The following SENP7 variants were observed in gnomAD, a reference collection of about 807,000 sequenced individuals.
SENP7 encodes the protein sentrin-specific protease 7.
SENP7 carries 64 observed loss-of-function variants against 141.2 expected under a neutral mutation model. The ratio of observed to expected loss-of-function variants is 0.45; its 90% CI spans 0.37 to 0.56. The LOEUF (loss-of-function observed/expected upper bound fraction) is 0.56. Ranked by LOEUF, SENP7 falls within the 20% of genes least tolerant of loss-of-function variation. SENP7 has a pLI of 0.00. For missense variants in SENP7, 1,025 were observed against 1,212.2 expected, an observed-to-expected ratio of 0.85 and a Z score of 2.29; for synonymous variants, 382 against 426.4, an observed-to-expected ratio of 0.90 and a Z score of 1.28.
At chr3:101,481,608 T>C (rs974612262) in intron 3 of SENP7, among the ~76,000 whole-genome samples, 1 of 152,196 alleles carries the variant, frequency 6.6e-6, no homozygotes, top group African/African-American at 2.4e-5. Context: ...TTAACATCAA[T>C]GTATTGTATA....
At chr3:101,504,900 T>C (rs1464826388) in intron 1 of SENP7, among the ~76,000 whole-genome samples, 1 of 152,012 alleles carries the variant, frequency 6.6e-6, no homozygotes, top group East Asian at 1.9e-4. Flanking sequence ...CCACCTGTGG[T>C]CTCAGCTGCT....
At chr3:101,413,597 G>A (rs1307807647) in intron 5 of SENP7, among the ~76,000 whole-genome samples, 1 of 152,022 alleles carries the variant, frequency 6.6e-6, no homozygotes, top group Non-Finnish European at 1.5e-5. Flanking sequence ...TTGCTACAGG[G>A]AGGAAGAGAA....
intron 5 of SENP7, among the ~76,000 whole-genome samples, chr3:101,402,537 G>A (rs1160016776): frequency 6.1e-5 from 6 of 97,690 alleles, no homozygotes; most frequent in African/African-American, 2.1e-4. Flanking sequence ...CAGGAGAATC[G>A]CTTGAACCTG....
intron 4 of SENP7, among the ~76,000 whole-genome samples, chr3:101,419,534 G>A (rs2061725070): frequency 6.6e-6 from 1 of 152,328 alleles, no homozygotes; most frequent in Admixed American, 6.5e-5. Context: ...AGTGGGATCA[G>A]CAAAGGGAAA....
chr3:101,337,912 T>G (rs995574782), intron 16 of SENP7, among the ~76,000 whole-genome samples: 6 of 152,206 alleles, frequency 3.9e-5, no homozygotes, highest in Non-Finnish European at 8.8e-5. Context: ...CCAAGCACTT[T>G]GGGAGGCCGA....
chr3:101,401,842 A>G (rs1476090848), intron 5 of SENP7, among the ~76,000 whole-genome samples: 3 of 151,704 alleles, frequency 2.0e-5, no homozygotes, highest in African/African-American at 7.3e-5. Flanking sequence ...ATATTAGCTT[A>G]GTATGGTGGC....
chr3:101,381,338 C>T (rs4683895), intron 6 of SENP7, among the ~76,000 whole-genome samples: 1 of 151,960 alleles, frequency 6.6e-6, no homozygotes, highest in African/African-American at 2.4e-5. Context: ...ATATTAACTG[C>T]TCTCCTATCT....
intron 22 of SENP7, 47 bp from the exon 23 acceptor site, chr3:101,327,863 T>C (rs1420957002): frequency 1.4e-6 from 2 of 1,441,756 alleles, no homozygotes; most frequent in South Asian, 2.5e-5. Context: ...AATCTATTTA[T>C]CAGTATGCAA....
intron 6 of SENP7, among the ~76,000 whole-genome samples, chr3:101,381,773 G>C (rs904070315): frequency 6.6e-6 from 1 of 152,144 alleles, no homozygotes; most frequent in Admixed American, 6.6e-5. Flanking sequence ...ATTTGTATCA[G>C]TGTTTTTCAA....
intron 4 of SENP7, among the ~76,000 whole-genome samples, chr3:101,419,920 A>AG (rs1031167191): frequency 6.6e-6 from 1 of 152,230 alleles, no homozygotes; most frequent in African/African-American, 2.4e-5. Context: ...GAGGAGACCA[A>AG]GATAGGCTGA....
At chr3:101,454,504 C>T (rs2063280490) in intron 4 of SENP7, among the ~76,000 whole-genome samples, 1 of 151,818 alleles carries the variant, frequency 6.6e-6, no homozygotes, top group Admixed American at 6.6e-5. Flanking sequence ...AAGTGAGACT[C>T]CATCTCAAAA....
chr3:101,351,008 G>C (rs9877228), intron 12 of SENP7, among the ~76,000 whole-genome samples: 60,449 of 151,728 alleles, frequency 0.4, 12,567 homozygotes, highest in Admixed American at 0.54. Context: ...CTCCAATCTT[G>C]GAACAGAAGC....
chr3:101,418,674 G>A (rs1435573810), intron 4 of SENP7, among the ~76,000 whole-genome samples: 11 of 133,168 alleles, frequency 8.3e-5, no homozygotes, highest in Non-Finnish European at 1.6e-4. Flanking sequence ...AAGATAAAAC[G>A]GGAACTCTCA....
chr3:101,434,701 T>G (rs1373872421), intron 4 of SENP7, among the ~76,000 whole-genome samples: 1 of 151,888 alleles, frequency 6.6e-6, no homozygotes, highest in Non-Finnish European at 1.5e-5. Flanking sequence ...ATACATACAA[T>G]CTAACAAGAT....
chr3:101,452,934 C>T (rs2063201430), intron 4 of SENP7, among the ~76,000 whole-genome samples: 1 of 152,100 alleles, frequency 6.6e-6, no homozygotes, highest in East Asian at 1.9e-4. Flanking sequence ...AGGCAACCTA[C>T]AGAATGGGAG....
Position 101,357,528 on chromosome 3 carries a change from C to A in SENP7, c.1623+4187G>T, listed in dbSNP as rs545175151. 9 of 1,419,324 alleles carry A rather than the reference C, an allele frequency of 6.3e-6. No homozygotes were observed. The African/African-American group carries it at 1.0e-4, about 16-fold the overall frequency. 87.9% of individuals were successfully genotyped at this position (1,419,324 alleles called of 1,614,324 possible). A position where few individuals can be genotyped will look rare whatever the true frequency, so the allele number is the denominator to read the frequency against. On this transcript the variant is annotated intron_variant, in intron 11 of 23. Transcript: ENST00000394095. ...TGGCCAGAGCAGAGCATAAAAGATT[C>A]TTTCCAAAAAGTGATACTGAGAAGA...
intron 4 of SENP7, among the ~76,000 whole-genome samples, chr3:101,425,650 G>A (rs888440156): frequency 1.3e-5 from 2 of 152,168 alleles, no homozygotes; most frequent in East Asian, 3.8e-4. Context: ...CAAGGGTTCT[G>A]AACTAGGCTG....
intron 2 of SENP7, 152 bp downstream of exon 2, chr3:101,500,918 C>A (rs1182713173): frequency 1.8e-6 from 1 of 547,746 alleles, no homozygotes; most frequent in Non-Finnish European, 3.2e-6. Context: ...TCCTGGTTAA[C>A]CTTCAGTTAA....
chr3:101,432,329 C>G (rs2062212594), intron 4 of SENP7, among the ~76,000 whole-genome samples: 1 of 149,904 alleles, frequency 6.7e-6, no homozygotes, highest in African/African-American at 2.5e-5. Context: ...GACTCCCGGA[C>G]AGCACTTCTG....
Sources: gnomAD v4.1 joint callset for allele counts (sites outside exome capture counted in the v4.1 genomes callset) on GRCh38, gnomAD v4.1.1 for gene constraint, MANE v1.5 for transcripts, NCBI Gene and HGNC (gene_info 2026-07-23, HGNC 2026-07-21) for gene names.